The following SORCS2 variants were observed in gnomAD, a reference collection of about 807,000 sequenced individuals.
The protein encoded by SORCS2 is sortilin related VPS10 domain containing receptor 2.
In SORCS2, 100 loss-of-function variants were observed where a neutral mutation model predicts 141.6. The observed-to-expected ratio is 0.71, with a 90% CI of 0.60 to 0.83. The LOEUF is 0.83. Ranked by LOEUF, SORCS2 falls within the 40% of genes least tolerant of loss-of-function variation. SORCS2 has a pLI of 0.00. For missense variants in SORCS2, 1,646 were observed against 1,560.2 expected, an observed-to-expected ratio of 1.05 and a Z score of -0.93; for synonymous variants, 789 against 676.9, an observed-to-expected ratio of 1.17 and a Z score of -2.57.
chr4:7,675,079 C>A (rs1243912912), intron 8 of SORCS2, among the ~76,000 whole-genome samples: 1 of 152,222 alleles, frequency 6.6e-6, no homozygotes, highest in African/African-American at 2.4e-5. Flanking sequence ...TGTCTGGACC[C>A]TTTTACTCTT....
At chr4:7,547,969 G>T (rs912449607) in intron 3 of SORCS2, among the ~76,000 whole-genome samples, 1 of 152,186 alleles carries the variant, frequency 6.6e-6, no homozygotes, top group African/African-American at 2.4e-5. Context: ...TTCACTGCAG[G>T]CCAACATCTG....
At chr4:7,378,542 C>T (rs1277496511) in intron 1 of SORCS2, among the ~76,000 whole-genome samples, 2 of 152,206 alleles carry the variant, frequency 1.3e-5, no homozygotes, top group African/African-American at 2.4e-5. Flanking sequence ...GGAACTCACT[C>T]ACTATCACCT....
At chr4:7,426,828 C>A (rs897718631) in intron 2 of SORCS2, among the ~76,000 whole-genome samples, 1 of 152,194 alleles carries the variant, frequency 6.6e-6, no homozygotes, top group African/African-American at 2.4e-5. Flanking sequence ...GCAGTGAAGC[C>A]CGTGTTTCTC....
intron 1 of SORCS2, among the ~76,000 whole-genome samples, chr4:7,374,217 A>C (rs961259501): frequency 6.9e-6 from 1 of 145,036 alleles, no homozygotes; most frequent in Non-Finnish European, 1.5e-5. Flanking sequence ...GAGACGTTCA[A>C]TTGATCAGCA....
chr4:7,328,386 A>C (rs1719422933), intron 1 of SORCS2, among the ~76,000 whole-genome samples: 1 of 151,864 alleles, frequency 6.6e-6, no homozygotes, highest in African/African-American at 2.4e-5. Context: ...GGGCTCTTCT[A>C]GGAGGCAGGA....
intron 1 of SORCS2, among the ~76,000 whole-genome samples, chr4:7,204,796 A>T (rs1727648213): frequency 6.6e-6 from 1 of 152,164 alleles, no homozygotes; most frequent in Non-Finnish European, 1.5e-5. Flanking sequence ...GAGCCCAGGA[A>T]ATCCAGATCT....
intron 5 of SORCS2, among the ~76,000 whole-genome samples, chr4:7,657,678 G>A (rs1282484599): frequency 1.3e-5 from 2 of 151,780 alleles, no homozygotes; most frequent in Non-Finnish European, 2.9e-5. Context: ...ATTAGTGAAT[G>A]AGTGACTGAG....
At chr4:7,436,303 A>G (rs890829281) in intron 2 of SORCS2, among the ~76,000 whole-genome samples, 3 of 152,178 alleles carry the variant, frequency 2.0e-5, no homozygotes, top group Non-Finnish European at 4.4e-5. Context: ...ATACATTTCT[A>G]TGGGCTTATG....
chr4:7,516,512 G>C (rs556125232), intron 2 of SORCS2, among the ~76,000 whole-genome samples: 1 of 152,040 alleles, frequency 6.6e-6, no homozygotes, highest in South Asian at 2.1e-4. Context: ...GTGTTTGGCT[G>C]TTGCGTCTGC....
intron 1 of SORCS2, among the ~76,000 whole-genome samples, chr4:7,320,684 C>T (rs114351970): frequency 1.5e-3 from 226 of 152,256 alleles, no homozygotes; most frequent in African/African-American, 5.3e-3. Flanking sequence ...TCATTCTGTA[C>T]ACCTTGGAGG....
chr4:7,687,103 G>C (rs1228216914), intron 10 of SORCS2, among the ~76,000 whole-genome samples: 1 of 152,222 alleles, frequency 6.6e-6, no homozygotes, highest in East Asian at 1.9e-4. Flanking sequence ...CTCATCGGGG[G>C]AACGGGAGAG....
intron 1 of SORCS2, among the ~76,000 whole-genome samples, chr4:7,379,116 G>C (rs1464876785): frequency 6.6e-6 from 1 of 152,214 alleles, no homozygotes; most frequent in South Asian, 2.1e-4. Flanking sequence ...TCCTGTGCTT[G>C]GGATGTGGCT....
chr4:7,451,271 G>A (rs901331562), intron 2 of SORCS2, among the ~76,000 whole-genome samples: 1 of 152,262 alleles, frequency 6.6e-6, no homozygotes, highest in Non-Finnish European at 1.5e-5. Context: ...CTGGGCCTAG[G>A]TCTTCAGCAG....
intron 2 of SORCS2, among the ~76,000 whole-genome samples, chr4:7,400,770 T>G (rs13140023): frequency 0.16 from 22,427 of 138,348 alleles, 1,790 homozygotes; most frequent in Non-Finnish European, 0.19. Context: ...TGGATGGATG[T>G]ATGGATGGAT....
intron 3 of SORCS2, among the ~76,000 whole-genome samples, chr4:7,551,625 C>T (rs1348326242): frequency 6.6e-6 from 1 of 152,180 alleles, no homozygotes; most frequent in Non-Finnish European, 1.5e-5. Flanking sequence ...GTGATGGTTT[C>T]TTACTCTACC....
intron 3 of SORCS2, among the ~76,000 whole-genome samples, chr4:7,531,901 C>G (rs1326038553): frequency 1.3e-5 from 2 of 152,262 alleles, no homozygotes; most frequent in African/African-American, 2.4e-5. Flanking sequence ...GGGCATGCAT[C>G]CATCAGAGCA....
chr4:7,482,634 C>T (rs1455833948), intron 2 of SORCS2, among the ~76,000 whole-genome samples: 3 of 80,942 alleles, frequency 3.7e-5, no homozygotes, highest in Admixed American at 1.1e-4. Context: ...ACACCCCTGA[C>T]GCTGTTTAGA....
intron 1 of SORCS2, among the ~76,000 whole-genome samples, chr4:7,366,762 ACCC>A (rs974859723): frequency 6.6e-6 from 1 of 151,238 alleles, no homozygotes; most frequent in African/African-American, 2.4e-5. Context: ...TTTCATGTCT[ACCC>A]CCCCAACCCC....
chr4:7,731,763 A>G (rs909775914), intron 23 of SORCS2, among the ~76,000 whole-genome samples: 6 of 152,262 alleles, frequency 3.9e-5, no homozygotes, highest in African/African-American at 1.4e-4. Flanking sequence ...ATCCACATGC[A>G]GAAGAATGCA....
Sources: allele counts gnomAD v4.1 joint callset (sites outside exome capture counted in the v4.1 genomes callset), GRCh38; gene constraint gnomAD v4.1.1; transcripts MANE v1.5; gene names NCBI Gene and HGNC (gene_info 2026-07-23, HGNC 2026-07-21).